LBH: variants seen among roughly 807,000 people sequenced by gnomAD.
LBH encodes the protein protein LBH.
A neutral mutation model predicts 12.5 loss-of-function variants in LBH; 7 were observed. The ratio of observed to expected loss-of-function variants is 0.56; its 90% CI spans 0.32 to 1.05. The LOEUF (loss-of-function observed/expected upper bound fraction) is 1.05, where lower values mean the gene tolerates loss of function less well. Among genes scored for constraint, LBH ranks in the 50% least tolerant of loss-of-function variants. LBH has a pLI of 0.04. For missense variants in LBH, 119 were observed against 138.9 expected (o/e 0.86, Z 0.72); for synonymous variants, 51 against 50.1 (o/e 1.02, Z -0.08).
At chr2:30,232,114 G>T (rs1189318474) in intron 1 of LBH, 1 of 1,543,570 alleles carries the variant, frequency 6.5e-7, no homozygotes, top group South Asian at 1.2e-5. Flanking sequence ...ACTTGGCGCA[G>T]GGGGGCTCCT....
At chr2:30,238,831 C>T (rs946617369) in intron 2 of LBH, among the ~76,000 whole-genome samples, 3 of 151,884 alleles carry the variant, frequency 2.0e-5, no homozygotes, top group South Asian at 2.1e-4. Flanking sequence ...ATCTCTTGCC[C>T]CTTTGTCTCT....
intron 2 of LBH, among the ~76,000 whole-genome samples, chr2:30,246,766 T>TTC (rs1677877780): frequency 1.7e-5 from 2 of 120,902 alleles, no homozygotes; most frequent in South Asian, 4.9e-4. Flanking sequence ...CCTTCCTTCT[T>TTC]TCTCTTTCTT....
At chr2:30,256,928 G>A (rs1255242538) in intron 2 of LBH, 1 of 165,404 alleles carries the variant, frequency 6.0e-6, no homozygotes, top group African/African-American at 2.4e-5. Flanking sequence ...GCTAGCATTA[G>A]CAACACCTGT....
At chr2:30,242,838 A>C (rs1677812995) in intron 2 of LBH, among the ~76,000 whole-genome samples, 1 of 152,244 alleles carries the variant, frequency 6.6e-6, no homozygotes, top group South Asian at 2.1e-4. Flanking sequence ...TACAAAGAAC[A>C]CTATTCTGAA....
intron 1 of LBH, chr2:30,232,346 A>C: frequency 8.7e-7 from 1 of 1,146,738 alleles, no homozygotes; most frequent in Admixed American, 3.3e-5. Flanking sequence ...GCCCCTAAAA[A>C]CCGACGCACA....
At chr2:30,257,356 T>G in intron 2 of LBH, 77 bp from the exon 3 acceptor site, 2 of 1,513,854 alleles carry the variant, frequency 1.3e-6, no homozygotes, top group Non-Finnish European at 1.8e-6. Flanking sequence ...GTATGCCACA[T>G]GGATGTGCAA....
At chr2:30,251,580 T>A (rs2103562336) in intron 2 of LBH, among the ~76,000 whole-genome samples, 1 of 148,790 alleles carries the variant, frequency 6.7e-6, no homozygotes, top group East Asian at 2.0e-4. Context: ...AGTGGGAGGA[T>A]CACTTGATCC....
At chr2:30,231,932 G>T (rs1165182279) in intron 1 of LBH, among the ~76,000 whole-genome samples, 168 bp downstream of exon 1, 1 of 133,180 alleles carries the variant, frequency 7.5e-6, no homozygotes, top group Non-Finnish European at 1.6e-5. Context: ...TGCAAAGGTG[G>T]GGGTGGGGGG....
chr2:30,232,414 C>G (rs1677607059), intron 1 of LBH: 2 of 677,048 alleles, frequency 3.0e-6, no homozygotes, highest in East Asian at 3.3e-5. Context: ...GGAAGGAGCC[C>G]GGGCCGGGCG....
intron 1 of LBH, chr2:30,232,241 T>TGGGGGGC (rs1677602841): frequency 9.4e-6 from 2 of 211,808 alleles, no homozygotes; most frequent in Non-Finnish European, 1.7e-5. Flanking sequence ...TCCGGGGGGG[T>TGGGGGGC]GGGGGGCGGG....
chr2:30,251,084 T>C (rs993009176), intron 2 of LBH, among the ~76,000 whole-genome samples: 18 of 148,430 alleles, frequency 1.2e-4, no homozygotes, highest in Non-Finnish European at 2.5e-4. Context: ...AGAAAGGGTC[T>C]TGTTTCGTCA....
chr2:30,232,309 A>C, intron 1 of LBH: 1 of 1,423,102 alleles, frequency 7.0e-7, no homozygotes, highest in Non-Finnish European at 9.4e-7. Flanking sequence ...CACGCGCTGC[A>C]GCCTCTCAAC....
chr2:30,251,353 C>G (rs749757606), intron 2 of LBH, among the ~76,000 whole-genome samples: 2 of 152,126 alleles, frequency 1.3e-5, no homozygotes, highest in Non-Finnish European at 2.9e-5. Context: ...GCCAGAAATT[C>G]CAGTATCTTA....
At chr2:30,248,803 T>G (rs1677921082) in intron 2 of LBH, among the ~76,000 whole-genome samples, 1 of 152,158 alleles carries the variant, frequency 6.6e-6, no homozygotes, top group African/African-American at 2.4e-5. Context: ...TAATTAGAAT[T>G]TGGAACTCCT....
chr2:30,247,971 A>T (rs964450646), intron 2 of LBH, among the ~76,000 whole-genome samples: 1 of 152,214 alleles, frequency 6.6e-6, no homozygotes, highest in Non-Finnish European at 1.5e-5. Context: ...TCTTAGTATT[A>T]CTATGAAAAT....
At chr2:30,239,534 A>C (rs1228629714) in intron 2 of LBH, among the ~76,000 whole-genome samples, 2 of 152,228 alleles carry the variant, frequency 1.3e-5, no homozygotes, top group Non-Finnish European at 2.9e-5. Context: ...GTCAGACTTA[A>C]AAGGCCTCAG....
intron 2 of LBH, among the ~76,000 whole-genome samples, chr2:30,240,203 C>T (rs1677766592): frequency 6.6e-6 from 1 of 152,228 alleles, no homozygotes; most frequent in South Asian, 2.1e-4. Flanking sequence ...TTCCTCTCTC[C>T]CCGTCCTGCA....
chr2:30,245,237 GTTC>G (rs1303311082), intron 2 of LBH, among the ~76,000 whole-genome samples: 1 of 152,156 alleles, frequency 6.6e-6, no homozygotes, highest in Non-Finnish European at 1.5e-5. Flanking sequence ...TTAAGAGCTT[GTTC>G]TTGAGTTTTT....
Position 30,257,465 on chromosome 2 carries a change from C to T in LBH, c.162C>T (p.Cys54=). 1.9e-6 allele frequency: 3 copies of T among 1,614,138 alleles called. No homozygotes were observed. The highest frequency in any genetic ancestry group is 2.2e-5 in the South Asian group (2 of 91,086). ...CAGACCCGTCAGATTTTGACCGCTG[C>T]TGCAAACTGAAGGACCGTCTGCCCT... ...IFPDPSDFDR[C]CKLKDRLPSI... Residue 54 remains cysteine, a synonymous_variant, in exon 3 of 3, where the codon TGC becomes TGT. Transcript: ENST00000395323.
Sources: allele counts gnomAD v4.1 joint callset (sites outside exome capture counted in the v4.1 genomes callset), GRCh38; gene constraint gnomAD v4.1.1; transcripts MANE v1.5; gene names NCBI Gene and HGNC (gene_info 2026-07-23, HGNC 2026-07-21).